Variants in CNTNAP4 observed in about 807,000 individuals in gnomAD.
The protein encoded by CNTNAP4 is contactin-associated protein-like 4.
Under a neutral mutation model 148.4 loss-of-function variants are expected in CNTNAP4, and 98 were observed. The observed-to-expected ratio is 0.66, with a 90% CI of 0.56 to 0.78. CNTNAP4 has a LOEUF of 0.78. CNTNAP4 is among the 30% of genes least tolerant of loss of function. The pLI is 0.00. For synonymous variants in CNTNAP4, 730 were observed against 565.1 expected (o/e 1.29, Z -4.14); for missense variants, 1,935 against 1,565.6 (o/e 1.24, Z -3.98).
intron 3 of CNTNAP4, among the ~76,000 whole-genome samples, chr16:76,372,492 C>T (rs939482670): frequency 1.4e-4 from 22 of 152,060 alleles, no homozygotes; most frequent in African/African-American, 5.3e-4. Context: ...GCATGATTTC[C>T]ACGTGTTGTG....
chr16:76,456,101 C>G (rs534359655), intron 8 of CNTNAP4, among the ~76,000 whole-genome samples: 1 of 129,064 alleles, frequency 7.7e-6, no homozygotes, highest in East Asian at 2.3e-4. Flanking sequence ...TTCCATCCTT[C>G]CATTATTCCA....
chr16:76,365,920 T>C lies in CNTNAP4; in HGVS notation c.390+10409T>C, dbSNP rs114359023. Among the ~76,000 whole-genome samples the C allele has an allele frequency of 6.1e-3, 930 of 152,224 alleles. 8 individuals are homozygous for C. Among genetic ancestry groups the C allele is most frequent in the African/African-American group, 0.021 (884 of 41,528 alleles). ...AAAGAAATACAAACGCCATTTGTAA[T>C]AGAATCCAAACTAGATTAGATTGGA... On this transcript the variant is annotated intron_variant, in intron 3 of 23. Coordinates refer to ENST00000611870, the MANE Select transcript of CNTNAP4 (RefSeq NM_033401.5).
chr16:76,360,155 TG>T (rs1350213254), intron 3 of CNTNAP4, among the ~76,000 whole-genome samples: 1 of 152,250 alleles, frequency 6.6e-6, no homozygotes, highest in African/African-American at 2.4e-5. Context: ...CTTTGTTTTT[TG>T]TTCTTTAACT....
intron 3 of CNTNAP4, among the ~76,000 whole-genome samples, chr16:76,395,736 GTT>G (rs34841541): frequency 6.7e-6 from 1 of 148,214 alleles, no homozygotes; most frequent in Admixed American, 6.8e-5. Context: ...TCTCTGGATG[GTT>G]TTTTTTTTTC....
At position 76,504,756 on chromosome 16, in the gene CNTNAP4, G is replaced by A. The variant is rs118051162; in HGVS notation, c.2365+6062G>A. On this transcript the variant is annotated intron_variant, in intron 15 of 23. Transcript: ENST00000611870. Reference sequence around the variant, plus strand: ...CCCAGAATATAAAAGTAACTCTCTCGTGGTGCAATAATATTTGAAAAATCA... The same window carrying A: ...CCCAGAATATAAAAGTAACTCTCTCATGGTGCAATAATATTTGAAAAATCA... 2.0e-4 allele frequency among the ~76,000 whole-genome samples: 31 copies of A among 152,128 alleles called. No individual in the cohort carries two copies. In the East Asian group the frequency reaches 5.2e-3, roughly 26 times the overall value.
At chr16:76,452,401 T>C in intron 7 of CNTNAP4, 107 bp from the exon 8 acceptor site, 1 of 1,092,048 alleles carries the variant, frequency 9.2e-7, no homozygotes, top group Non-Finnish European at 1.3e-6. Context: ...TAGCAGGCAG[T>C]TGTTTTAAAT....
rs986474583 is a variant in CNTNAP4, at chr16:76,489,739, A to T, written c.1936A>T (p.Asn646Tyr). The T allele has an allele frequency of 2.5e-6, 4 of 1,605,314 alleles. No individual in the cohort carries two copies. The African/African-American group carries it at 5.3e-5, about 21-fold the overall frequency. The change falls in exon 13 of 24, where the codon AAT becomes TAT. Residue 646 changes from asparagine to tyrosine, a missense_variant. Coordinates refer to ENST00000611870, the MANE Select transcript of CNTNAP4 (RefSeq NM_033401.5). ...CGGCTCTGACTTAACAAGAGTCAGA[A>T]ATACTAATCCAGAGAACCCATATGC... ...HNGSDLTRVR[N>Y]TNPENPYAGF...
intron 1 of CNTNAP4, among the ~76,000 whole-genome samples, chr16:76,297,085 G>C (rs1959389098): frequency 6.6e-6 from 1 of 152,166 alleles, no homozygotes; most frequent in Non-Finnish European, 1.5e-5. Flanking sequence ...TTAAACATAA[G>C]AGGGAAATCT....
intron 21 of CNTNAP4, among the ~76,000 whole-genome samples, chr16:76,548,942 T>C (rs2084851337): frequency 1.3e-5 from 2 of 152,248 alleles, no homozygotes; most frequent in South Asian, 2.1e-4. Flanking sequence ...TTAATATAGC[T>C]GCTAATTTTG....
At chr16:76,324,889 C>T (rs1962806979) in intron 2 of CNTNAP4, among the ~76,000 whole-genome samples, 1 of 152,190 alleles carries the variant, frequency 6.6e-6, no homozygotes, top group Admixed American at 6.5e-5. Context: ...CCCAAAGGCC[C>T]CCTCTCCAAA....
At chr16:76,520,335 G>A (rs1317906789) in intron 15 of CNTNAP4, among the ~76,000 whole-genome samples, 4 of 152,010 alleles carry the variant, frequency 2.6e-5, no homozygotes, top group Non-Finnish European at 5.9e-5. Flanking sequence ...TTGTAGATAT[G>A]AAAAAAGGAG....
In CNTNAP4 at chr16:76,405,695, G is replaced by T. The variant is rs117309721; in HGVS notation, c.391-21757G>T. Among the ~76,000 whole-genome samples, 1,282 of 152,212 alleles carry T rather than the reference G, an allele frequency of 8.4e-3. 13 individuals carry two copies. The highest frequency in any genetic ancestry group is 0.014 in the Non-Finnish European group (953 of 67,998). ...AGGGAGAGGAGGGGTTGGTCTTGCT[G>T]TTCACGGGTGGCAGAGGCAGAAGAA... On this transcript the variant is annotated intron_variant, in intron 3 of 23. Coordinates refer to ENST00000611870, the MANE Select transcript of CNTNAP4 (RefSeq NM_033401.5).
intron 3 of CNTNAP4, among the ~76,000 whole-genome samples, chr16:76,361,507 T>C (rs973730577): frequency 7.2e-5 from 11 of 152,234 alleles, no homozygotes; most frequent in Admixed American, 3.3e-4. Flanking sequence ...TTTTTAAGGC[T>C]GAGGAACATT....
At chr16:76,325,025 C>T (rs1021691450) in intron 2 of CNTNAP4, among the ~76,000 whole-genome samples, 1 of 152,096 alleles carries the variant, frequency 6.6e-6, no homozygotes. Flanking sequence ...CTGAGAGAAA[C>T]CAAGACAGCC....
intron 11 of CNTNAP4, among the ~76,000 whole-genome samples, chr16:76,477,258 C>T (rs1427646818): frequency 1.3e-5 from 2 of 151,974 alleles, no homozygotes; most frequent in Non-Finnish European, 2.9e-5. Flanking sequence ...TTGTAAGGCC[C>T]ATGTTATTTC....
At chr16:76,413,969 A>G (rs982167175) in intron 3 of CNTNAP4, among the ~76,000 whole-genome samples, 5 of 151,192 alleles carry the variant, frequency 3.3e-5, no homozygotes, top group Admixed American at 6.6e-5. Context: ...GATTTTTCAA[A>G]TTTCCTACAT....
chr16:76,442,535 A>G (rs1354744108), intron 4 of CNTNAP4, among the ~76,000 whole-genome samples: 2 of 152,126 alleles, frequency 1.3e-5, no homozygotes, highest in African/African-American at 4.8e-5. Flanking sequence ...TGGTGCTAAC[A>G]TCTGCTGGGC....
At chr16:76,283,397 A>C (rs912841311) in intron 1 of CNTNAP4, among the ~76,000 whole-genome samples, 13 of 152,062 alleles carry the variant, frequency 8.5e-5, no homozygotes, top group Middle Eastern at 6.8e-3. Context: ...TAGCAAAGAC[A>C]TGGAATCAAC....
chr16:76,391,530 A>G (rs894092783), intron 3 of CNTNAP4, among the ~76,000 whole-genome samples: 3 of 152,190 alleles, frequency 2.0e-5, no homozygotes, highest in Non-Finnish European at 4.4e-5. Context: ...TTTTATGCTC[A>G]ACCAGGTTGT....
Sources: gnomAD v4.1 joint callset for allele counts (sites outside exome capture counted in the v4.1 genomes callset) on GRCh38, gnomAD v4.1.1 for gene constraint, MANE v1.5 for transcripts, NCBI Gene and HGNC (gene_info 2026-07-23, HGNC 2026-07-21) for gene names.